The following HP1BP3 variants were observed in gnomAD, a reference collection of about 807,000 sequenced individuals.
The protein encoded by HP1BP3 is heterochromatin protein 1-binding protein 3.
A neutral mutation model predicts 62.5 loss-of-function variants in HP1BP3; 12 were observed. The observed-to-expected ratio is 0.19, with a 90% CI of 0.12 to 0.31. The LOEUF (loss-of-function observed/expected upper bound fraction) is 0.31, where lower values mean the gene tolerates loss of function less well. Among genes scored for constraint, HP1BP3 ranks in the 10% least tolerant of loss-of-function variants. The pLI, the probability that HP1BP3 is intolerant of heterozygous loss-of-function variation, is 1.00. For synonymous variants in HP1BP3, 260 were observed against 237.8 expected (o/e 1.09, Z -0.86); for missense variants, 502 against 651.8 (o/e 0.77, Z 2.50).
intron 10 of HP1BP3, among the ~76,000 whole-genome samples, chr1:20,748,115 A>G (rs926416579): frequency 6.6e-6 from 1 of 152,146 alleles, no homozygotes; most frequent in Non-Finnish European, 1.5e-5. Flanking sequence ...ACTTGAGCTC[A>G]AAGTAGTTAA....
At chr1:20,786,123 T>G (rs2057814007) in intron 1 of HP1BP3, 1 of 152,200 alleles carries the variant, frequency 6.6e-6, no homozygotes, top group Non-Finnish European at 1.5e-5. Context: ...TCAAAAAGGT[T>G]AAGTGGCTGT....
In HP1BP3 at chr1:20,763,306, C is replaced by T. The variant is rs1205589294; in HGVS notation, c.890+2071G>A. 3.3e-5 allele frequency among the ~76,000 whole-genome samples: 5 copies of T among 152,182 alleles called. No homozygotes were observed. The East Asian group carries it at 9.6e-4, about 29-fold the overall frequency. ...CATCATATAACGCATTTTTGATCCA[C>T]AATTGTGTCTGCCTACTACCACTAT... On this transcript the variant is annotated intron_variant, in intron 8 of 12. Transcript: ENST00000438032.
intron 9 of HP1BP3, chr1:20,750,366 CACACACACACACA>C (rs2055649845): frequency 2.2e-5 from 1 of 46,386 alleles, no homozygotes; most frequent in African/African-American, 6.4e-5. Flanking sequence ...CACACACACA[CACACACACACACA>C]AAATAGCCAG....
chr1:20,751,464 T>C lies in HP1BP3; in HGVS notation c.982-1582A>G, dbSNP rs1397239051. Among the ~76,000 whole-genome samples, 3 of 152,008 alleles carry C rather than the reference T, an allele frequency of 2.0e-5. No homozygotes were observed. In the East Asian group the frequency reaches 5.8e-4, roughly 29 times the overall value. ...GTATCAGGGAGCACGGTAGTTCATA[T>C]CTGTAATCCCAGTACTTTGGGAGGC... On this transcript the variant is annotated intron_variant, in intron 9 of 12. Transcript: ENST00000438032.
intron 1 of HP1BP3, among the ~76,000 whole-genome samples, chr1:20,782,605 A>G (rs1022170361): frequency 6.6e-6 from 1 of 151,194 alleles, no homozygotes; most frequent in Non-Finnish European, 1.5e-5. Context: ...TAATAATTTA[A>G]AAAAAAACAC....
intron 6 of HP1BP3, 122 bp downstream of exon 6, chr1:20,770,808 G>GTT (rs2057024286): frequency 1.4e-6 from 1 of 721,720 alleles, no homozygotes; most frequent in African/African-American, 1.9e-5. Flanking sequence ...TAAACTTAAG[G>GTT]AATTTCATCA....
intron 8 of HP1BP3, 98 bp downstream of exon 8, chr1:20,765,279 T>C (rs1438503014): frequency 1.2e-5 from 9 of 734,898 alleles, no homozygotes; most frequent in Non-Finnish European, 1.8e-5. Context: ...TAGCTGAAAG[T>C]AATCCTTCCT....
chr1:20,745,445 T>C (rs1389706222), intron 12 of HP1BP3, 98 bp downstream of exon 12: 1 of 1,388,582 alleles, frequency 7.2e-7, no homozygotes, highest in Non-Finnish European at 9.6e-7. Context: ...ATCCTGAGTT[T>C]CTGAAATGCT....
chr1:20,766,306 A>G (rs537805410), intron 7 of HP1BP3, among the ~76,000 whole-genome samples: 1 of 152,316 alleles, frequency 6.6e-6, no homozygotes, highest in East Asian at 1.9e-4. Context: ...CACACACACA[A>G]AAAACACACA....
chr1:20,774,142 T>G (rs188658457), intron 4 of HP1BP3: 2 of 152,382 alleles, frequency 1.3e-5, no homozygotes, highest in East Asian at 3.9e-4. Context: ...ATTTAAAGCA[T>G]TATGTAAATT....
chr1:20,754,357 T>C (rs1027318401), intron 9 of HP1BP3, among the ~76,000 whole-genome samples: 1 of 152,088 alleles, frequency 6.6e-6, no homozygotes, highest in African/African-American at 2.4e-5. Flanking sequence ...AGAAATTAAA[T>C]AAAGAGACCT....
At chr1:20,768,586 T>A (rs529954826) in intron 6 of HP1BP3, among the ~76,000 whole-genome samples, 6 of 152,184 alleles carry the variant, frequency 3.9e-5, no homozygotes, top group Non-Finnish European at 7.3e-5. Flanking sequence ...ATTCCTATAA[T>A]CCCAGCATTT....
chr1:20,770,641 T>C (rs903443863), intron 6 of HP1BP3, among the ~76,000 whole-genome samples: 1 of 152,026 alleles, frequency 6.6e-6, no homozygotes, highest in African/African-American at 2.4e-5. Context: ...AGTAGTAGGA[T>C]TCCTTACCTC....
In HP1BP3 at chr1:20,755,383, G is replaced by A. The variant is rs114426198; in HGVS notation, c.981+1783C>T. ...ACCCAGGAGTTCAAGAGTAGCCTGG[G>A]CAACACGGCGAAACCCCATTTCTAC... On this transcript the variant is annotated intron_variant, in intron 9 of 12. Transcript: ENST00000438032. The A allele has an allele frequency of 6.8e-3, 3,083 of 452,690 alleles. 16 individuals are homozygous for A. Among genetic ancestry groups the A allele is most frequent in the Non-Finnish European group, 0.011 (2,443 of 224,652 alleles). 28.0% of individuals were successfully genotyped at this position (452,690 alleles called of 1,614,324 possible).
chr1:20,766,732 G>C (rs1407648028), intron 7 of HP1BP3, among the ~76,000 whole-genome samples: 3 of 151,946 alleles, frequency 2.0e-5, no homozygotes, highest in Admixed American at 2.0e-4. Context: ...CTGAGGTCAG[G>C]AGGTGGAGGC....
In HP1BP3 at chr1:20,744,189, G is replaced by A. The variant is rs1460550268; in HGVS notation, c.*608C>T. On this transcript the variant is annotated 3_prime_UTR_variant, in exon 13 of 13. Coordinates refer to ENST00000438032, the MANE Select transcript of HP1BP3 (RefSeq NM_001372052.1). ...ACCTAGAAATTGATCAATATGAAAT[G>A]TAGCCCAAAGGAGTCATATATCTTC... The A allele has an allele frequency of 6.6e-6, 1 of 152,656 alleles. No homozygotes were observed. Among genetic ancestry groups the A allele is most frequent in the Non-Finnish European group, 1.5e-5 (1 of 68,070 alleles). 9.5% of individuals were successfully genotyped at this position (152,656 alleles called of 1,614,324 possible). A position where few individuals can be genotyped will look rare whatever the true frequency, so the allele number is the denominator to read the frequency against.
chr1:20,766,710 C>T (rs2056803007), intron 7 of HP1BP3, among the ~76,000 whole-genome samples: 2 of 152,016 alleles, frequency 1.3e-5, no homozygotes, highest in South Asian at 4.1e-4. Context: ...GAGGCGGAGG[C>T]AGGCAGATCA....
At chr1:20,775,492 T>C (rs1168052866) in intron 4 of HP1BP3, 2 of 152,284 alleles carry the variant, frequency 1.3e-5, no homozygotes, top group Admixed American at 6.5e-5. Context: ...TTTTTAAAAA[T>C]AAAAACTTTT....
At chr1:20,745,400 G>T (rs866415457) in intron 12 of HP1BP3, 143 bp downstream of exon 12, 2 of 1,058,026 alleles carry the variant, frequency 1.9e-6, no homozygotes, top group Middle Eastern at 4.4e-4. Context: ...CAAAGGAGAA[G>T]ATCAATCCAA....
Sources: allele counts gnomAD v4.1 joint callset (sites outside exome capture counted in the v4.1 genomes callset), GRCh38; gene constraint gnomAD v4.1.1; transcripts MANE v1.5; gene names NCBI Gene and HGNC (gene_info 2026-07-23, HGNC 2026-07-21).